Variants in LRRTM4 observed in about 807,000 individuals in gnomAD.
The protein encoded by LRRTM4 is leucine rich repeat transmembrane neuronal 4.
A neutral mutation model predicts 47.6 loss-of-function variants in LRRTM4; 25 were observed. The ratio of observed to expected loss-of-function variants is 0.53; its 90% CI spans 0.38 to 0.73. The LOEUF (loss-of-function observed/expected upper bound fraction) is 0.73. LRRTM4 is among the 30% of genes least tolerant of loss of function. The pLI is 0.00. For missense variants in LRRTM4, 638 were observed against 713.4 expected (o/e 0.89, Z 1.20); for synonymous variants, 311 against 269.5 (o/e 1.15, Z -1.51).
chr2:76,801,775 C>G (rs112675161), intron 3 of LRRTM4, among the ~76,000 whole-genome samples: 1 of 152,030 alleles, frequency 6.6e-6, no homozygotes, highest in Middle Eastern at 3.2e-3. Context: ...TCATTCACCA[C>G]GATCAAATGA....
intron 3 of LRRTM4, among the ~76,000 whole-genome samples, chr2:77,485,447 G>A (rs1677873178): frequency 6.6e-6 from 1 of 152,102 alleles, no homozygotes; most frequent in Non-Finnish European, 1.5e-5. Context: ...GGTTGAAGAA[G>A]AACAAGATAT....
chr2:77,372,525 T>A (rs1409872317), intron 3 of LRRTM4, among the ~76,000 whole-genome samples: 1 of 151,740 alleles, frequency 6.6e-6, no homozygotes, highest in Non-Finnish European at 1.5e-5. Flanking sequence ...TAATAAATCA[T>A]AAATCACCTG....
intron 3 of LRRTM4, among the ~76,000 whole-genome samples, chr2:76,809,409 T>A (rs1670660903): frequency 6.6e-6 from 1 of 152,164 alleles, no homozygotes; most frequent in African/African-American, 2.4e-5. Flanking sequence ...TTCTTTTAAG[T>A]GCTCAGGACT....
In LRRTM4 at chr2:76,798,075, G is replaced by T. The variant is rs539653687; in HGVS notation, c.1552-49159C>A. 4.0e-5 allele frequency among the ~76,000 whole-genome samples: 6 copies of T among 151,110 alleles called. No homozygotes were observed. The South Asian group carries it at 1.3e-3, about 31-fold the overall frequency. On this transcript the variant is annotated intron_variant, in intron 3 of 3. Transcript: ENST00000409884. ...AAGTCAACAAGGATACCCAGGAATT[G>T]AACTCAGCTCTGCAGCAAGCAGACC...
At chr2:77,459,457 T>C (rs1323170095) in intron 3 of LRRTM4, among the ~76,000 whole-genome samples, 3 of 152,042 alleles carry the variant, frequency 2.0e-5, no homozygotes, top group Non-Finnish European at 4.4e-5. Flanking sequence ...ATGAACCTTA[T>C]TGTAAAAGTC....
At chr2:76,821,322 C>T (rs1192763831) in intron 3 of LRRTM4, among the ~76,000 whole-genome samples, 1 of 151,596 alleles carries the variant, frequency 6.6e-6, no homozygotes. Flanking sequence ...TTTAAAAATG[C>T]ATATGTCTGG....
In LRRTM4 at chr2:77,432,500, A is replaced by T. The variant is rs149226555; in HGVS notation, c.1551+85818T>A. ...ATTGTTTATTAAACTTTAGAAAAACAGGTTTATCTCATTCATTCAATTTAG... is the reference window on the plus strand; with the variant it reads ...ATTGTTTATTAAACTTTAGAAAAACTGGTTTATCTCATTCATTCAATTTAG... On this transcript the variant is annotated intron_variant, in intron 3 of 3. Transcript: ENST00000409884. Among the ~76,000 whole-genome samples the T allele has an allele frequency of 3.4e-4, 52 of 152,384 alleles. No homozygotes were observed. The East Asian group carries it at 6.9e-3, about 20-fold the overall frequency.
chr2:76,972,085 A>C (rs1354815475), intron 3 of LRRTM4, among the ~76,000 whole-genome samples: 1 of 152,014 alleles, frequency 6.6e-6, no homozygotes, highest in Non-Finnish European at 1.5e-5. Flanking sequence ...ATTTTTCTAG[A>C]AGTCAGTCAG....
chr2:77,314,660 T>A (rs62160533), intron 3 of LRRTM4, among the ~76,000 whole-genome samples: 5,077 of 152,252 alleles, frequency 0.033, 140 homozygotes, highest in Middle Eastern at 0.061. Context: ...ATGAAAATAG[T>A]ACCTCACCCT....
At chr2:77,167,374 C>G (rs1193616537) in intron 3 of LRRTM4, among the ~76,000 whole-genome samples, 1 of 152,126 alleles carries the variant, frequency 6.6e-6, no homozygotes, top group Non-Finnish European at 1.5e-5. Context: ...CTAGTTCAAC[C>G]ATTGTGGAAG....
rs145113062 is a variant in LRRTM4, at chr2:76,899,778, G to A, written c.1552-150862C>T. 3.3e-5 allele frequency among the ~76,000 whole-genome samples: 5 copies of A among 152,190 alleles called. No individual in the cohort carries two copies. In the East Asian group the frequency reaches 9.7e-4, roughly 29 times the overall value. On this transcript the variant is annotated intron_variant, in intron 3 of 3. Coordinates refer to ENST00000409884, the MANE Select transcript of LRRTM4 (RefSeq NM_001134745.3). ...AAAGGCAAAAACAGGTGAAATATTG[G>A]TAACAATTATAACAAAAAGTAATTC...
At chr2:76,991,114 CA>C (rs1406966272) in intron 3 of LRRTM4, among the ~76,000 whole-genome samples, 3 of 151,604 alleles carry the variant, frequency 2.0e-5, no homozygotes, top group African/African-American at 7.3e-5. Flanking sequence ...CAGAGACAAA[CA>C]TACCAAAATC....
intron 3 of LRRTM4, among the ~76,000 whole-genome samples, chr2:77,103,126 T>G (rs1460513995): frequency 6.6e-6 from 1 of 152,154 alleles, no homozygotes; most frequent in Non-Finnish European, 1.5e-5. Context: ...AGGCATTGTA[T>G]CATAGCATCC....
intron 3 of LRRTM4, among the ~76,000 whole-genome samples, chr2:76,876,005 T>C (rs1672768719): frequency 6.6e-6 from 1 of 152,110 alleles, no homozygotes; most frequent in Admixed American, 6.6e-5. Flanking sequence ...TTTAACTTGT[T>C]GCCATCTTTA....
intron 3 of LRRTM4, among the ~76,000 whole-genome samples, chr2:76,830,732 A>G (rs2103893043): frequency 6.6e-6 from 1 of 152,178 alleles, no homozygotes; most frequent in East Asian, 1.9e-4. Context: ...TTAACACTGG[A>G]AAAACAAGAA....
intron 3 of LRRTM4, among the ~76,000 whole-genome samples, chr2:76,959,046 C>G (rs1194507498): frequency 6.6e-6 from 1 of 151,648 alleles, no homozygotes; most frequent in Non-Finnish European, 1.5e-5. Context: ...AGCTGAATTG[C>G]TTTTTGGCCA....
intron 3 of LRRTM4, among the ~76,000 whole-genome samples, chr2:77,311,475 T>C (rs1677456317): frequency 6.6e-6 from 1 of 152,160 alleles, no homozygotes; most frequent in Admixed American, 6.5e-5. Context: ...CGTGGGAAAT[T>C]AGGCAAGCTT....
intron 3 of LRRTM4, among the ~76,000 whole-genome samples, chr2:76,834,326 T>G (rs571014865): frequency 1.3e-5 from 2 of 151,962 alleles, no homozygotes; most frequent in South Asian, 2.1e-4. Flanking sequence ...ACTGGGATTA[T>G]AGGCGTAAGC....
chr2:76,927,330 GT>G (rs1425572797), intron 3 of LRRTM4, among the ~76,000 whole-genome samples: 1 of 152,072 alleles, frequency 6.6e-6, no homozygotes, highest in Non-Finnish European at 1.5e-5. Context: ...TTCCTTATGA[GT>G]TTTAGACCTT....
Sources: allele counts gnomAD v4.1 joint callset (sites outside exome capture counted in the v4.1 genomes callset), GRCh38; gene constraint gnomAD v4.1.1; transcripts MANE v1.5; gene names NCBI Gene and HGNC (gene_info 2026-07-23, HGNC 2026-07-21).